Variants in PLA2R1 observed in about 807,000 individuals in gnomAD.
PLA2R1 encodes secretory phospholipase A2 receptor.
A neutral mutation model predicts 195.9 loss-of-function variants in PLA2R1; 158 were observed. That is an observed-to-expected ratio of 0.81 (90% CI 0.71 to 0.92). The LOEUF is 0.92. Among genes scored for constraint, PLA2R1 ranks in the 40% least tolerant of loss-of-function variants. The pLI, the probability that PLA2R1 is intolerant of heterozygous loss-of-function variation, is 0.00. For synonymous variants in PLA2R1, 586 were observed against 598.2 expected, an observed-to-expected ratio of 0.98 and a Z score of 0.30; for missense variants, 1,626 against 1,764.6, an observed-to-expected ratio of 0.92 and a Z score of 1.41.
chr2:160,003,980 C>A (rs1397710), intron 11 of PLA2R1, among the ~76,000 whole-genome samples: 92,992 of 152,086 alleles, frequency 0.61, 32,547 homozygotes, highest in Non-Finnish European at 0.78. Context: ...CAGAAACATG[C>A]AATCCTTATA....
intron 3 of PLA2R1, among the ~76,000 whole-genome samples, chr2:160,037,236 G>T (rs527484810): frequency 6.6e-6 from 1 of 152,252 alleles, no homozygotes; most frequent in African/African-American, 2.4e-5. Flanking sequence ...TAGAGCCAGA[G>T]TAATCCTTAA....
At chr2:160,024,736 G>A (rs918081242) in intron 6 of PLA2R1, among the ~76,000 whole-genome samples, 1 of 152,154 alleles carries the variant, frequency 6.6e-6, no homozygotes, top group Admixed American at 6.5e-5. Context: ...TGGCAAGGCT[G>A]GGACATCCTG....
rs1008935131 is a variant in PLA2R1, at chr2:159,940,818, T to C, written c.*960A>G. ...AATAAAGATATCTAGATTACTAATT[T>C]ATTTAGTACTTCTCAACAACATCTG... On this transcript the variant is annotated 3_prime_UTR_variant, in exon 30 of 30. Coordinates refer to ENST00000283243, the MANE Select transcript of PLA2R1 (RefSeq NM_007366.5). The C allele has an allele frequency of 6.6e-6, 1 of 152,210 alleles. No homozygotes were observed. The highest frequency in any genetic ancestry group is 1.5e-5 in the Non-Finnish European group (1 of 68,026). The allele number at this position is 152,210 out of a possible 1,614,324, so 9.4% of individuals were successfully genotyped here.
intron 28 of PLA2R1, among the ~76,000 whole-genome samples, chr2:159,943,200 C>G: frequency 6.6e-6 from 1 of 152,096 alleles, no homozygotes. Context: ...GAACTCCTGA[C>G]CTCAAGTGAT....
chr2:159,927,239 C>T (rs565008018), downstream of PLA2R1, among the ~76,000 whole-genome samples: 7 of 152,260 alleles, frequency 4.6e-5, no homozygotes, highest in South Asian at 1.5e-3. Context: ...TCTTCTAGTT[C>T]CCTTTTTCTA....
chr2:159,989,125 A>T (rs1690572677), intron 11 of PLA2R1, among the ~76,000 whole-genome samples: 1 of 152,212 alleles, frequency 6.6e-6, no homozygotes, highest in African/African-American at 2.4e-5. Context: ...GAGTTGGTGC[A>T]TCCAAAGGCC....
chr2:160,008,720 CTT>C (rs778814566), intron 10 of PLA2R1, among the ~76,000 whole-genome samples: 2 of 152,150 alleles, frequency 1.3e-5, no homozygotes, highest in Non-Finnish European at 2.9e-5. Flanking sequence ...AAATTAAAAA[CTT>C]TGCACATCAA....
chr2:160,048,964 C>A (rs568994408), intron 1 of PLA2R1, among the ~76,000 whole-genome samples: 16 of 150,594 alleles, frequency 1.1e-4, no homozygotes, highest in Non-Finnish European at 2.4e-4. Context: ...CCTCAGCCTC[C>A]CAAGTAGCTG....
chr2:160,047,657 T>A (rs1573971557), intron 1 of PLA2R1, among the ~76,000 whole-genome samples: 1 of 152,360 alleles, frequency 6.6e-6, no homozygotes, highest in East Asian at 1.9e-4. Context: ...AGAGCCTTCA[T>A]CTGTTGATTT....
intron 6 of PLA2R1, among the ~76,000 whole-genome samples, chr2:160,023,529 A>T (rs1443358933): frequency 6.6e-6 from 1 of 152,146 alleles, no homozygotes; most frequent in African/African-American, 2.4e-5. Context: ...AAAATTGTAT[A>T]CCCCGTTCCC....
intron 2 of PLA2R1, among the ~76,000 whole-genome samples, chr2:160,042,780 C>G (rs1481614702): frequency 7.0e-6 from 1 of 143,426 alleles, no homozygotes; most frequent in African/African-American, 2.6e-5. Flanking sequence ...GATGAGAAGA[C>G]AGAGTGGGGT....
At chr2:160,022,108 T>C (rs1229591271) in intron 7 of PLA2R1, among the ~76,000 whole-genome samples, 1 of 152,088 alleles carries the variant, frequency 6.6e-6, no homozygotes, top group East Asian at 1.9e-4. Context: ...AAATAAATAA[T>C]TTCAGTATTT....
chr2:159,984,531 T>A (rs1690192224), intron 12 of PLA2R1, among the ~76,000 whole-genome samples: 1 of 152,186 alleles, frequency 6.6e-6, no homozygotes, highest in Admixed American at 6.5e-5. Flanking sequence ...TTCTGACAGA[T>A]TAGAATTAGC....
In PLA2R1 at chr2:159,960,263, A is replaced by G. The variant is rs535157438; in HGVS notation, c.2905-3636T>C. On this transcript the variant is annotated intron_variant, in intron 20 of 29. Coordinates refer to ENST00000283243, the MANE Select transcript of PLA2R1 (RefSeq NM_007366.5). ...CTTCAGTCAGGTCCTCTGGCTATAC[A>G]CTTTTCTAGAACCACATAACTTTCC... 7.9e-5 allele frequency among the ~76,000 whole-genome samples: 12 copies of G among 152,212 alleles called. 1 individual carries two copies. Among genetic ancestry groups the G allele is most frequent in the African/African-American group, 2.6e-4 (11 of 41,550 alleles).
chr2:159,978,596 C>T (rs9287794), intron 14 of PLA2R1, among the ~76,000 whole-genome samples: 33,198 of 152,054 alleles, frequency 0.22, 4,119 homozygotes, highest in Admixed American at 0.38. Flanking sequence ...AAAGTGTTCT[C>T]AACTTCTATG....
intron 12 of PLA2R1, among the ~76,000 whole-genome samples, chr2:159,986,493 G>T (rs569119188): frequency 2.1e-4 from 32 of 152,166 alleles, no homozygotes; most frequent in Non-Finnish European, 4.4e-5. Context: ...CGCAGAAACT[G>T]GTTAGGTGTT....
intron 13 of PLA2R1, among the ~76,000 whole-genome samples, chr2:159,983,575 G>A (rs1033503518): frequency 2.6e-5 from 4 of 151,760 alleles, no homozygotes; most frequent in East Asian, 1.9e-4. Flanking sequence ...CTCTGCCTAC[G>A]TGGCCCTCTC....
At chr2:160,028,442 G>A (rs1037076902) in intron 5 of PLA2R1, 81 bp from the exon 6 acceptor site, 47 of 964,260 alleles carry the variant, frequency 4.9e-5, no homozygotes, top group South Asian at 3.6e-4. Flanking sequence ...TTTCAGCATC[G>A]GGGGACAGCG....
intron 1 of PLA2R1, among the ~76,000 whole-genome samples, chr2:160,058,640 C>G (rs1027038060): frequency 7.9e-5 from 12 of 152,200 alleles, no homozygotes; most frequent in Admixed American, 2.0e-4. Flanking sequence ...TTTCTCCCCG[C>G]TGTCCACTTT....
Sources: gnomAD v4.1 joint callset for allele counts (sites outside exome capture counted in the v4.1 genomes callset) on GRCh38, gnomAD v4.1.1 for gene constraint, MANE v1.5 for transcripts, NCBI Gene and HGNC (gene_info 2026-07-23, HGNC 2026-07-21) for gene names.